Variants in PITPNM2 observed in about 807,000 individuals in gnomAD.
PITPNM2 encodes the protein phosphatidylinositol transfer protein membrane associated 2.
In PITPNM2, 35 loss-of-function variants were observed where a neutral mutation model predicts 132.2. The observed-to-expected ratio is 0.26, with a 90% CI of 0.20 to 0.35. The LOEUF (loss-of-function observed/expected upper bound fraction) is 0.35. Among genes scored for constraint, PITPNM2 ranks in the 10% least tolerant of loss-of-function variants. The pLI, the probability that PITPNM2 is intolerant of heterozygous loss-of-function variation, is 1.00. For missense variants in PITPNM2, 1,332 were observed against 1,912.0 expected (o/e 0.70, Z 5.66); for synonymous variants, 738 against 799.2 (o/e 0.92, Z 1.29).
chr12:123,124,742 C>T (rs1330497490), intron 1 of PITPNM2, among the ~76,000 whole-genome samples: 3 of 152,142 alleles, frequency 2.0e-5, no homozygotes, highest in Non-Finnish European at 4.4e-5. Context: ...GGCAAGAAGT[C>T]TTATGTTTGC....
At chr12:123,098,430 C>T (rs1340903452) in intron 2 of PITPNM2, among the ~76,000 whole-genome samples, 1 of 152,082 alleles carries the variant, frequency 6.6e-6, no homozygotes, top group Non-Finnish European at 1.5e-5. Flanking sequence ...GCAGGCCAGG[C>T]ACAGTGGCTC....
At chr12:123,028,303 G>A (rs911630736) in intron 3 of PITPNM2, among the ~76,000 whole-genome samples, 5 of 152,216 alleles carry the variant, frequency 3.3e-5, no homozygotes, top group African/African-American at 7.2e-5. Context: ...ACTTTGACGC[G>A]CGAGCCCAGC....
At position 123,004,762 on chromosome 12, in the gene PITPNM2, A is replaced by C. The variant is rs926703714; in HGVS notation, c.953-273T>G. Among the ~76,000 whole-genome samples, 1 of 152,230 alleles carries C rather than the reference A, an allele frequency of 6.6e-6. No homozygotes were observed. The highest frequency in any genetic ancestry group is 2.4e-5 in the African/African-American group (1 of 41,466). On this transcript the variant is annotated intron_variant, in intron 7 of 25. Transcript: ENST00000320201. The surrounding 1 kb of genome is among the most constrained non-coding windows in gnomAD (Gnocchi z 4.9). ...AGACATAAGCCCAGGACGTGGGGTA[A>C]GACAGGCCTGGGTCCACTCCTGGGC...
At chr12:123,011,401 A>G (rs2039198334) in intron 5 of PITPNM2, among the ~76,000 whole-genome samples, 1 of 152,180 alleles carries the variant, frequency 6.6e-6, no homozygotes, top group Non-Finnish European at 1.5e-5. Flanking sequence ...CTGCATGGGA[A>G]ATGTCACAGA....
intron 2 of PITPNM2, among the ~76,000 whole-genome samples, chr12:123,047,075 G>A (rs2040686916): frequency 6.6e-6 from 1 of 152,174 alleles, no homozygotes; most frequent in African/African-American, 2.4e-5. Context: ...AGGTGGAAAA[G>A]GTAACAATGC....
chr12:122,997,524 G>A lies in PITPNM2; in HGVS notation c.1273C>T (p.Leu425=). 1 of 1,613,264 alleles carries A rather than the reference G, an allele frequency of 6.2e-7. No homozygotes were observed. Among genetic ancestry groups the A allele is most frequent in the Non-Finnish European group, 8.5e-7 (1 of 1,179,842 alleles). The change falls in exon 11 of 26, where the codon CTG becomes TTG. Residue 425 remains leucine, a synonymous_variant. Coordinates refer to ENST00000320201, the MANE Select transcript of PITPNM2 (RefSeq NM_020845.3). ...LAAPPSKIHV[L]LLVLHGGTIL... is the part of the protein sequence containing the mutation. ...GTGCCTCCGTGCAGCACCAGTAGCA[G>A]CACGTGGATCTTGGAGGGCGGTGCA...
At position 123,150,774 on chromosome 12, in the gene PITPNM2, C is replaced by T. The variant is rs1463062168; in HGVS notation, c.-221G>A. On this transcript the variant is annotated 5_prime_UTR_variant, in exon 1 of 26. Transcript: ENST00000320201. The surrounding 1 kb of genome is among the most constrained non-coding windows in gnomAD (Gnocchi z 6.0). Reference sequence around the variant, plus strand: ...TCACCCCGCTCGGCGCGGCCGCGGGCTCTGTCCTCTTCGGGGCCCCGGCTG... The same window carrying T: ...TCACCCCGCTCGGCGCGGCCGCGGGTTCTGTCCTCTTCGGGGCCCCGGCTG... 6.7e-6 allele frequency among the ~76,000 whole-genome samples: 1 copy of T among 149,426 alleles called. No individual in the cohort carries two copies. Among genetic ancestry groups the T allele is most frequent in the East Asian group, 2.0e-4 (1 of 5,098 alleles).
chr12:123,097,189 C>CCCA lies in PITPNM2; in HGVS notation c.-96+13193_-96+13195dup, dbSNP rs2042432220. Among the ~76,000 whole-genome samples the CCCA allele has an allele frequency of 1.3e-5, 2 of 152,008 alleles. 1 individual carries two copies. Among genetic ancestry groups the CCCA allele is most frequent in the South Asian group, 4.2e-4 (2 of 4,818 alleles). Reference sequence around the variant, plus strand: ...TCCTGAGTAGCTGGGATTACAGGCGCCCACCACCACGCCCAGCTAATTTTT... The same window carrying CCCA: ...TCCTGAGTAGCTGGGATTACAGGCGCCCACCACCACCACGCCCAGCTAATTTTT... On this transcript the variant is annotated intron_variant, in intron 2 of 25. Coordinates refer to ENST00000320201, the MANE Select transcript of PITPNM2 (RefSeq NM_020845.3). The surrounding 1 kb of genome is among the most constrained non-coding windows in gnomAD (Gnocchi z 4.7).
intron 5 of PITPNM2, 47 bp downstream of exon 5, chr12:123,012,566 A>G: frequency 6.2e-7 from 1 of 1,605,396 alleles, no homozygotes; most frequent in Non-Finnish European, 8.5e-7. Context: ...ACCTGTGGGT[A>G]GGAAACCCAG....
chr12:123,149,298 C>G (rs1055276744), intron 1 of PITPNM2, among the ~76,000 whole-genome samples: 1 of 152,312 alleles, frequency 6.6e-6, no homozygotes, highest in East Asian at 1.9e-4. Flanking sequence ...GAGTCTTTGC[C>G]TGGCCATCTT....
intron 2 of PITPNM2, among the ~76,000 whole-genome samples, chr12:123,079,539 GT>G (rs1217949014): frequency 1.3e-5 from 2 of 151,664 alleles, no homozygotes; most frequent in Admixed American, 6.6e-5. Context: ...TAGAGACAAG[GT>G]TTCGCCATGT....
intron 13 of PITPNM2, 66 bp downstream of exon 13, chr12:122,996,392 C>A: frequency 6.3e-7 from 1 of 1,580,586 alleles, no homozygotes; most frequent in Non-Finnish European, 8.6e-7. Context: ...ACAGGCAGGG[C>A]AGCCACCCTG....
chr12:123,141,555 G>A (rs1030665770), intron 1 of PITPNM2, among the ~76,000 whole-genome samples: 7 of 152,090 alleles, frequency 4.6e-5, no homozygotes, highest in African/African-American at 1.7e-4. Context: ...AGAAAGAAGA[G>A]CAGCCGTCTC....
At chr12:123,135,720 C>T (rs1194128742) in intron 1 of PITPNM2, among the ~76,000 whole-genome samples, 3 of 152,076 alleles carry the variant, frequency 2.0e-5, no homozygotes, top group African/African-American at 7.2e-5. Context: ...TTTTTAGAGA[C>T]GGCGTCTCGC....
In PITPNM2 at chr12:123,005,441, G is replaced by C; in HGVS notation, c.751C>G (p.Leu251Val). Residue 251 changes from leucine (L) to valine (V), a missense_variant, in exon 7 of 26, where the codon CTC becomes GTC. Transcript: ENST00000320201. The surrounding 1 kb of genome is among the most constrained non-coding windows in gnomAD (Gnocchi z 6.2). ...TGGGCCATCTTACGGGAAAGCATGAGCTGTGCCTCCTTCTCCAGCTCCCGG... is the reference window on the plus strand; with the variant it reads ...TGGGCCATCTTACGGGAAAGCATGACCTGTGCCTCCTTCTCCAGCTCCCGG... The part of the protein sequence containing the change: ...NIRELEKEAQ[L>V]MLSRKMAQFN... 1 of 1,614,126 alleles carries C rather than the reference G, an allele frequency of 6.2e-7. No individual in the cohort carries two copies.
intron 17 of PITPNM2, 99 bp from the exon 18 acceptor site, chr12:122,990,047 G>T: frequency 9.5e-7 from 1 of 1,053,294 alleles, no homozygotes; most frequent in Non-Finnish European, 1.2e-6. Flanking sequence ...TGCCAGGCCT[G>T]GAGCTATCAA....
rs761465526 is a variant in PITPNM2, at chr12:122,992,535, G to A, written c.2368C>T (p.Arg790Cys). The A allele has an allele frequency of 2.0e-5, 32 of 1,611,262 alleles. No individual in the cohort carries two copies. Among genetic ancestry groups the A allele is most frequent in the East Asian group, 4.5e-5 (2 of 44,770 alleles). The change falls in exon 16 of 26, where the codon CGC (arginine) becomes TGC (cysteine). Residue 790 changes from arginine to cysteine, a missense_variant. Around this residue, in one of 6 missense-constraint regions of PITPNM2, gnomAD observed 710 missense variants for 911.5 expected, o/e 0.78. Transcript: ENST00000320201. This position sits in a 1 kb window ranked among gnomAD's most constrained non-coding sequence, Gnocchi z 6.5. The part of the protein sequence containing the change: ...LPPFSVPRYQ[R>C]YPLGDGCSTL... ...GAGCAGCCATCCCCCAGCGGGTAGC[G>A]TTGGTAGCGGGGGACGCTGAAAGGC...
At chr12:122,991,858 G>A (rs763772793) in intron 16 of PITPNM2, 62 of 1,307,494 alleles carry the variant, frequency 4.7e-5, no homozygotes, top group Non-Finnish European at 5.9e-5. Context: ...CCAGGGGGCC[G>A]CCCTCCAGGA....
intron 2 of PITPNM2, among the ~76,000 whole-genome samples, chr12:123,044,695 C>T: frequency 6.6e-6 from 1 of 152,204 alleles, no homozygotes; most frequent in African/African-American, 2.4e-5. Context: ...GGCACAGCTC[C>T]TGCAGTCCTA....
Sources: allele counts gnomAD v4.1 joint callset (sites outside exome capture counted in the v4.1 genomes callset), GRCh38; gene constraint gnomAD v4.1.1; regional missense constraint gnomAD v4.1.1; non-coding constraint Gnocchi (gnomAD v3.1); transcripts MANE v1.5; gene names NCBI Gene and HGNC (gene_info 2026-07-23, HGNC 2026-07-21).